Variants in HDAC9 observed in about 807,000 individuals in gnomAD.
HDAC9 encodes MEF-2 interacting transcription repressor (MITR) protein.
Under a neutral mutation model 139.4 loss-of-function variants are expected in HDAC9, and 41 were observed. The observed-to-expected ratio is 0.29, with a 90% CI of 0.23 to 0.38. The LOEUF is 0.38. HDAC9 is among the 10% of genes least tolerant of loss of function. The pLI is 1.00. For synonymous variants in HDAC9, 517 were observed against 476.2 expected (o/e 1.09, Z -1.12); for missense variants, 1,147 against 1,297.0 (o/e 0.88, Z 1.78).
chr7:18,868,787 C>T (rs944621433), intron 21 of HDAC9, among the ~76,000 whole-genome samples: 1 of 152,142 alleles, frequency 6.6e-6, no homozygotes, highest in Non-Finnish European at 1.5e-5. Context: ...CAGGACTCTA[C>T]TCTTCCCACC....
chr7:18,835,794 G>C (rs2129211102), intron 20 of HDAC9, 106 bp from the exon 21 acceptor site: 1 of 974,236 alleles, frequency 1.0e-6, no homozygotes, highest in East Asian at 2.6e-5. Context: ...TTGATGTGTT[G>C]TTTGATGTTT....
At chr7:18,224,546 G>A (rs547320813) in intron 2 of HDAC9, among the ~76,000 whole-genome samples, 8 of 152,104 alleles carry the variant, frequency 5.3e-5, no homozygotes, top group Non-Finnish European at 1.2e-4. Context: ...GCCACCCAGC[G>A]TGGGTGCTTG....
At chr7:18,861,140 G>T (rs1212343204) in intron 21 of HDAC9, among the ~76,000 whole-genome samples, 1 of 152,016 alleles carries the variant, frequency 6.6e-6, no homozygotes, top group East Asian at 1.9e-4. Flanking sequence ...ACACATTTTT[G>T]GCATATTAAA....
At chr7:18,222,578 CT>C (rs1447398906) in intron 2 of HDAC9, among the ~76,000 whole-genome samples, 1 of 152,128 alleles carries the variant, frequency 6.6e-6, no homozygotes, top group Non-Finnish European at 1.5e-5. Flanking sequence ...TTCCCATAAT[CT>C]TACCCCCTAC....
rs1471023622 is a variant in HDAC9 at position 18,743,597 on chromosome 7, A to ACTG, written c.1910-5406_1910-5404dup. Among the ~76,000 whole-genome samples the ACTG allele has an allele frequency of 2.2e-4, 33 of 147,958 alleles. 1 individual carries two copies. Among genetic ancestry groups the ACTG allele is most frequent in the East Asian group, 1.7e-3 (8 of 4,692 alleles). On this transcript the variant is annotated intron_variant, in intron 13 of 25. Coordinates refer to ENST00000686413, the MANE Select transcript of HDAC9 (RefSeq NM_178425.4). ...ACTCCAGCCTGGGCAACAGAGTGAG[A>ACTG]CTGCGTCTCAAAAAAAAAAAAAAAT...
chr7:18,499,461 AATTC>A (rs1797801479), intron 2 of HDAC9, among the ~76,000 whole-genome samples: 1 of 152,130 alleles, frequency 6.6e-6, no homozygotes, highest in Admixed American at 6.6e-5. Flanking sequence ...TAAATCTTAG[AATTC>A]AGTGTGAGTG....
At chr7:18,824,790 G>A (rs1795287038) in intron 17 of HDAC9, among the ~76,000 whole-genome samples, 1 of 152,184 alleles carries the variant, frequency 6.6e-6, no homozygotes, top group South Asian at 2.1e-4. Flanking sequence ...GTGAGCTCTG[G>A]TTTCTTATCC....
chr7:18,555,303 C>A (rs143529423), intron 2 of HDAC9, among the ~76,000 whole-genome samples: 15 of 152,104 alleles, frequency 9.9e-5, no homozygotes, highest in Non-Finnish European at 1.5e-5. Context: ...ATAGAAAAAG[C>A]CTGATACTCA....
intron 1 of HDAC9, among the ~76,000 whole-genome samples, chr7:18,347,419 A>G (rs1782501012): frequency 6.6e-6 from 1 of 152,124 alleles, no homozygotes; most frequent in Non-Finnish European, 1.5e-5. Context: ...TCCATGCAGA[A>G]AGTTTTAATA....
intron 2 of HDAC9, chr7:18,543,075 T>C (rs1390609812): frequency 6.6e-6 from 1 of 152,188 alleles, no homozygotes; most frequent in African/African-American, 2.4e-5. Context: ...TAGAAATATT[T>C]AAGTGTGCAT....
At chr7:18,613,123 A>G (rs1430440990) in intron 6 of HDAC9, among the ~76,000 whole-genome samples, 1 of 148,404 alleles carries the variant, frequency 6.7e-6, no homozygotes, top group African/African-American at 2.4e-5. Flanking sequence ...TAAGTATAAT[A>G]TAATAGATAT....
At chr7:18,966,788 A>G (rs1783885320) in intron 24 of HDAC9, among the ~76,000 whole-genome samples, 1 of 152,200 alleles carries the variant, frequency 6.6e-6, no homozygotes, top group African/African-American at 2.4e-5. Context: ...TGTTCAGGAA[A>G]TAGAAAGGAC....
intron 23 of HDAC9, among the ~76,000 whole-genome samples, chr7:18,940,797 G>T (rs545924588): frequency 7.2e-5 from 11 of 152,048 alleles, no homozygotes; most frequent in African/African-American, 2.4e-4. Context: ...TCCTCTGAAA[G>T]AAATTTTCCC....
chr7:18,222,103 G>A (rs1043322221), intron 2 of HDAC9, among the ~76,000 whole-genome samples: 1 of 152,092 alleles, frequency 6.6e-6, no homozygotes, highest in African/African-American at 2.4e-5. Flanking sequence ...TATGATGAAA[G>A]GTGCGAGGTT....
intron 1 of HDAC9, among the ~76,000 whole-genome samples, chr7:18,147,870 A>T (rs1209138536): frequency 6.6e-6 from 1 of 152,030 alleles, no homozygotes; most frequent in Non-Finnish European, 1.5e-5. Context: ...TTATTATGTC[A>T]TTAATTTACT....
chr7:18,348,785 C>T (rs1782618786), intron 1 of HDAC9, among the ~76,000 whole-genome samples: 1 of 152,080 alleles, frequency 6.6e-6, no homozygotes, highest in African/African-American at 2.4e-5. Context: ...CTTCTTGCAA[C>T]ACTATTAAAA....
chr7:18,755,686 G>A lies in HDAC9; in HGVS notation c.2044-6471G>A, dbSNP rs2519737. Among the ~76,000 whole-genome samples the A allele has an allele frequency of 6.7e-3, 1,020 of 152,106 alleles. 12 individuals carry two copies. The highest frequency in any genetic ancestry group is 0.024 in the African/African-American group (982 of 41,492). On this transcript the variant is annotated intron_variant, in intron 14 of 25. Transcript: ENST00000686413. ...TGCTTTCTGGTGAGGACAGTGATTT[G>A]AAATAGGTGGAAGTAAAACTTAAAA...
chr7:18,365,952 G>T (rs972521422), intron 1 of HDAC9, among the ~76,000 whole-genome samples: 6 of 145,190 alleles, frequency 4.1e-5, no homozygotes, highest in South Asian at 4.3e-4. Context: ...GTTTTCAGTT[G>T]TTTTTTTTTT....
At chr7:18,859,809 CTCATATATATATATATATAT>C (rs1474074131) in intron 21 of HDAC9, among the ~76,000 whole-genome samples, 1 of 83,358 alleles carries the variant, frequency 1.2e-5, no homozygotes, top group Non-Finnish European at 2.4e-5. Flanking sequence ...GGCTAACGCT[CTCATATATATATATATATAT>C]ATATATATAT....
Sources: allele counts gnomAD v4.1 joint callset (sites outside exome capture counted in the v4.1 genomes callset), GRCh38; gene constraint gnomAD v4.1.1; transcripts MANE v1.5; gene names NCBI Gene and HGNC (gene_info 2026-07-23, HGNC 2026-07-21).